FRMD4A: variants seen among roughly 807,000 people sequenced by gnomAD.
FRMD4A encodes the protein FERM domain containing 4A.
In FRMD4A, 29 loss-of-function variants were observed where a neutral mutation model predicts 129.1. The ratio of observed to expected loss-of-function variants is 0.22; its 90% CI spans 0.17 to 0.31. The LOEUF (loss-of-function observed/expected upper bound fraction) is 0.31. FRMD4A is among the 10% of genes least tolerant of loss of function. The probability of loss-of-function intolerance (pLI) is 1.00; values close to 1 mark genes in which losing one functional copy is unlikely to be tolerated. For synonymous variants in FRMD4A, 634 were observed against 571.6 expected (o/e 1.11, Z -1.56); for missense variants, 1,272 against 1,375.8 (o/e 0.92, Z 1.19).
At chr10:14,305,137 C>T (rs1020282253) in intron 2 of FRMD4A, among the ~76,000 whole-genome samples, 18 of 152,188 alleles carry the variant, frequency 1.2e-4, no homozygotes, top group African/African-American at 4.3e-4. Flanking sequence ...TACCTATTAC[C>T]AGCATGTGTC....
At chr10:14,236,818 A>G (rs964885313) in intron 2 of FRMD4A, among the ~76,000 whole-genome samples, 1 of 152,118 alleles carries the variant, frequency 6.6e-6, no homozygotes, top group African/African-American at 2.4e-5. Context: ...AAGAATGAGG[A>G]CAGCTAACGT....
At chr10:13,765,719 T>C (rs1285699309) in intron 6 of FRMD4A, among the ~76,000 whole-genome samples, 1 of 152,144 alleles carries the variant, frequency 6.6e-6, no homozygotes, top group Non-Finnish European at 1.5e-5. Flanking sequence ...TGCGGAAGAA[T>C]GTTTGGAATT....
At position 13,943,092 on chromosome 10, in the gene FRMD4A, T is replaced by C. The variant is rs182738232; in HGVS notation, c.46-84180A>G. On this transcript the variant is annotated intron_variant, in intron 2 of 24. Coordinates refer to ENST00000357447, the MANE Select transcript of FRMD4A (RefSeq NM_018027.5). ...TCATTCTAAAACTGCGAGTTATACA[T>C]TTCATATCACACATTACAATTACAT... 3.0e-3 allele frequency among the ~76,000 whole-genome samples: 454 copies of C among 152,312 alleles called. 4 individuals are homozygous for C. Among genetic ancestry groups the C allele is most frequent in the African/African-American group, 0.01 (432 of 41,560 alleles).
At chr10:14,270,184 A>T (rs576820984) in intron 2 of FRMD4A, among the ~76,000 whole-genome samples, 57 of 152,280 alleles carry the variant, frequency 3.7e-4, no homozygotes, top group African/African-American at 1.3e-3. Flanking sequence ...AGACTGAGTT[A>T]TGTTATGGGT....
intron 2 of FRMD4A, among the ~76,000 whole-genome samples, chr10:14,016,071 C>T (rs1299949078): frequency 1.3e-5 from 2 of 152,214 alleles, no homozygotes; most frequent in African/African-American, 2.4e-5. Context: ...CTCAGCTCCT[C>T]TCTGTGATGA....
At chr10:13,856,398 C>CT (rs2094214836) in intron 3 of FRMD4A, among the ~76,000 whole-genome samples, 1 of 152,076 alleles carries the variant, frequency 6.6e-6, no homozygotes, top group Non-Finnish European at 1.5e-5. Flanking sequence ...TGACCCTGGG[C>CT]TAGGTACTGG....
At chr10:14,142,643 A>T (rs1356763898) in intron 2 of FRMD4A, among the ~76,000 whole-genome samples, 1 of 152,208 alleles carries the variant, frequency 6.6e-6, no homozygotes, top group Non-Finnish European at 1.5e-5. Flanking sequence ...ATATAATCCA[A>T]TGCAGTCATT....
intron 2 of FRMD4A, among the ~76,000 whole-genome samples, chr10:14,141,564 C>A (rs1394237334): frequency 8.2e-6 from 1 of 122,268 alleles, no homozygotes; most frequent in Non-Finnish European, 1.7e-5. Context: ...CCACCTTCTG[C>A]CCCTAACCCC....
intron 2 of FRMD4A, among the ~76,000 whole-genome samples, chr10:14,308,601 T>C (rs1289151380): frequency 6.6e-6 from 1 of 152,236 alleles, no homozygotes; most frequent in East Asian, 1.9e-4. Context: ...ATACATGTCT[T>C]TTTATCTCTG....
intron 16 of FRMD4A, among the ~76,000 whole-genome samples, chr10:13,673,453 T>A (rs753060222): frequency 2.6e-5 from 4 of 152,200 alleles, no homozygotes; most frequent in Non-Finnish European, 5.9e-5. Context: ...GAACCTCTTT[T>A]GACTTCCCAT....
chr10:14,046,648 C>T (rs913846526), intron 2 of FRMD4A, among the ~76,000 whole-genome samples: 1 of 152,112 alleles, frequency 6.6e-6, no homozygotes, highest in Non-Finnish European at 1.5e-5. Context: ...TGGTTCCTGA[C>T]TTAATAGAGA....
chr10:14,302,790 A>G (rs1175327850), intron 2 of FRMD4A, among the ~76,000 whole-genome samples: 2 of 152,226 alleles, frequency 1.3e-5, no homozygotes, highest in Non-Finnish European at 2.9e-5. Context: ...ATACTTGTGC[A>G]TCCTGACTGC....
At chr10:14,070,084 A>G (rs1835248531) in intron 2 of FRMD4A, among the ~76,000 whole-genome samples, 1 of 151,912 alleles carries the variant, frequency 6.6e-6, no homozygotes, top group African/African-American at 2.4e-5. Flanking sequence ...CCCTCAAATC[A>G]CACATTTACC....
At chr10:13,747,375 A>G (rs1376874972) in intron 9 of FRMD4A, among the ~76,000 whole-genome samples, 2 of 151,674 alleles carry the variant, frequency 1.3e-5, no homozygotes, top group East Asian at 1.9e-4. Context: ...GGTCTCTACT[A>G]AAAATACAAA....
At chr10:13,724,428 C>T (rs945394609) in intron 12 of FRMD4A, among the ~76,000 whole-genome samples, 3 of 151,720 alleles carry the variant, frequency 2.0e-5, no homozygotes, top group South Asian at 2.1e-4. Context: ...CCCAGGTGGT[C>T]GATGTTCTTA....
At position 13,745,841 on chromosome 10, in the gene FRMD4A, C is replaced by T. The variant is rs957455039; in HGVS notation, c.548+1895G>A. On this transcript the variant is annotated intron_variant, in intron 9 of 24. Transcript: ENST00000357447. ...TGACCATTGGATTTTTGGAAGTGAA[C>T]AGCCAGGAGGCTACAGAGGGATGAG... Among the ~76,000 whole-genome samples the T allele has an allele frequency of 3.9e-5, 6 of 152,226 alleles. No individual in the cohort carries two copies. The East Asian group carries it at 1.2e-3, about 29-fold the overall frequency.
intron 12 of FRMD4A, among the ~76,000 whole-genome samples, chr10:13,730,524 G>A (rs1440287052): frequency 6.6e-6 from 1 of 151,994 alleles, no homozygotes; most frequent in Non-Finnish European, 1.5e-5. Context: ...AAACTAAGAC[G>A]AAACTTGGGA....
At chr10:13,666,746 C>T (rs866063441) in intron 17 of FRMD4A, among the ~76,000 whole-genome samples, 2 of 152,050 alleles carry the variant, frequency 1.3e-5, no homozygotes, top group Non-Finnish European at 2.9e-5. Context: ...TCTCTGTGGA[C>T]TTGCTACCAA....
At chr10:13,856,212 G>A (rs943118403) in intron 3 of FRMD4A, among the ~76,000 whole-genome samples, 3 of 139,156 alleles carry the variant, frequency 2.2e-5, no homozygotes, top group Non-Finnish European at 4.7e-5. Context: ...GATGGATTTT[G>A]TGCAAGTGTG....
Sources: gnomAD v4.1 joint callset for allele counts (sites outside exome capture counted in the v4.1 genomes callset) on GRCh38, gnomAD v4.1.1 for gene constraint, MANE v1.5 for transcripts, NCBI Gene and HGNC (gene_info 2026-07-23, HGNC 2026-07-21) for gene names.